AIG1: variants seen among roughly 807,000 people sequenced by gnomAD.
AIG1 encodes androgen induced 1, also known as androgen-induced gene 1 protein.
In AIG1, 23 loss-of-function variants were observed where a neutral mutation model predicts 31.4. That is an observed-to-expected ratio of 0.73 (90% CI 0.53 to 1.04). AIG1 has a LOEUF of 1.04. Ranked by LOEUF, AIG1 falls within the 50% of genes least tolerant of loss-of-function variation. AIG1 has a pLI of 0.00. For synonymous variants in AIG1, 100 were observed against 110.5 expected, an observed-to-expected ratio of 0.90 and a Z score of 0.60; for missense variants, 274 against 295.0, an observed-to-expected ratio of 0.93 and a Z score of 0.52.
intron 4 of AIG1, among the ~76,000 whole-genome samples, chr6:143,286,753 G>C (rs889970322): frequency 6.6e-6 from 1 of 152,178 alleles, no homozygotes; most frequent in Non-Finnish European, 1.5e-5. Flanking sequence ...GCAATACTGA[G>C]TAAGGTTGAG....
At chr6:143,343,203 G>C, downstream of AIG1, 1 of 701,154 alleles carries the variant, frequency 1.4e-6, no homozygotes, top group Middle Eastern at 3.2e-4. Flanking sequence ...CACGGATATG[G>C]CAGGAATGAT....
intron 3 of AIG1, among the ~76,000 whole-genome samples, chr6:143,222,495 C>T (rs1792607154): frequency 6.6e-6 from 1 of 152,108 alleles, no homozygotes; most frequent in Admixed American, 6.5e-5. Flanking sequence ...AGTCCAGAGC[C>T]TGTGAATTTC....
At position 143,297,831 on chromosome 6, in the gene AIG1, T is replaced by A. The variant is rs952663282; in HGVS notation, c.515+13606T>A. Among the ~76,000 whole-genome samples, 2 of 152,206 alleles carry A rather than the reference T, an allele frequency of 1.3e-5. No homozygotes were observed. Among genetic ancestry groups the A allele is most frequent in the African/African-American group, 2.4e-5 (1 of 41,462 alleles). On this transcript the variant is annotated intron_variant, in intron 4 of 5. Coordinates refer to ENST00000357847, the MANE Select transcript of AIG1 (RefSeq NM_016108.4). This position sits in a 1 kb window ranked among gnomAD's most constrained non-coding sequence, Gnocchi z 5.1. The stretch of plus-strand genomic sequence containing the variant: ...TCTTCAATAGTTTATTTTTTCCAGT[T>A]TGGGTATTTTTTTTTCTTTCTGGTA...
intron 3 of AIG1, among the ~76,000 whole-genome samples, chr6:143,254,590 C>A (rs1204842797): frequency 1.3e-5 from 2 of 152,096 alleles, no homozygotes; most frequent in African/African-American, 4.8e-5. Context: ...TGAGTTGATT[C>A]TGTTCCCCCC....
chr6:143,061,174 G>C lies in AIG1; in HGVS notation c.141+108G>C, dbSNP rs781719507. On this transcript the variant is annotated intron_variant, in intron 1 of 5. Coordinates refer to ENST00000357847, the MANE Select transcript of AIG1 (RefSeq NM_016108.4). ...GATGCGCGAGCACCTGCGCACGTGC[G>C]CGCCTCCAGCATCCACCCGTGTCCT... 2.2e-5 allele frequency: 30 copies of C among 1,375,412 alleles called. No homozygotes were observed. The East Asian group carries it at 6.9e-4, about 31-fold the overall frequency. The allele number at this position is 1,375,412 out of a possible 1,614,324, so 85.2% of individuals were successfully genotyped here.
In AIG1 at chr6:143,329,094, T is replaced by G. The variant is rs773882051; in HGVS notation, c.516-4188T>G. ...AGACAAGTGGATGCATCATTCACACTGATCCAGGTGAAACCCCAAATAACA... is the reference window on the plus strand; with the variant it reads ...AGACAAGTGGATGCATCATTCACACGGATCCAGGTGAAACCCCAAATAACA... On this transcript the variant is annotated intron_variant, in intron 4 of 5. Coordinates refer to ENST00000357847, the MANE Select transcript of AIG1 (RefSeq NM_016108.4). This position sits in a 1 kb window ranked among gnomAD's most constrained non-coding sequence, Gnocchi z 4.9. Among the ~76,000 whole-genome samples the G allele has an allele frequency of 6.6e-6, 1 of 152,246 alleles. No homozygotes were observed. The highest frequency in any genetic ancestry group is 1.5e-5 in the Non-Finnish European group (1 of 68,042).
intron 1 of AIG1, among the ~76,000 whole-genome samples, chr6:143,076,093 G>A (rs1777704929): frequency 6.6e-6 from 1 of 152,130 alleles, no homozygotes; most frequent in Admixed American, 6.6e-5. Flanking sequence ...GTTTGTTGAT[G>A]GTGTTATTCA....
In AIG1 at chr6:143,329,911, T is replaced by C. The variant is rs910695654; in HGVS notation, c.516-3371T>C. Among the ~76,000 whole-genome samples, 7 of 152,168 alleles carry C rather than the reference T, an allele frequency of 4.6e-5. No homozygotes were observed. Among genetic ancestry groups the C allele is most frequent in the African/African-American group, 1.7e-4 (7 of 41,448 alleles). ...TTGAGTAGGTGTGATCGAGACCATA[T>C]GGGAATATTTACTATCTGGTTCTTT... On this transcript the variant is annotated intron_variant, in intron 4 of 5. Transcript: ENST00000357847. The surrounding 1 kb of genome is among the most constrained non-coding windows in gnomAD (Gnocchi z 4.9).
chr6:143,103,759 G>A (rs550319839), intron 1 of AIG1, among the ~76,000 whole-genome samples: 6 of 151,864 alleles, frequency 4.0e-5, no homozygotes, highest in African/African-American at 7.3e-5. Context: ...CGCCCGCCTC[G>A]GCCTCCCAAA....
intron 1 of AIG1, among the ~76,000 whole-genome samples, chr6:143,112,115 A>G (rs1781326696): frequency 1.3e-5 from 2 of 152,036 alleles, no homozygotes; most frequent in African/African-American, 4.8e-5. Context: ...GCCATAAGGG[A>G]GCTCCTTCTG....
intron 3 of AIG1, among the ~76,000 whole-genome samples, chr6:143,262,448 A>AT (rs775511046): frequency 5.9e-4 from 90 of 152,242 alleles, no homozygotes; most frequent in Admixed American, 1.2e-3. Flanking sequence ...GTATTATTTC[A>AT]TTTTTTCAAG....
At chr6:143,134,692 A>G (rs1298565313) in intron 1 of AIG1, among the ~76,000 whole-genome samples, 1 of 151,996 alleles carries the variant, frequency 6.6e-6, no homozygotes, top group Non-Finnish European at 1.5e-5. Flanking sequence ...TTTTTGACTT[A>G]TTATATTTCG....
chr6:143,092,336 C>A (rs933582812), intron 1 of AIG1, among the ~76,000 whole-genome samples: 1 of 132,342 alleles, frequency 7.6e-6, no homozygotes, highest in Non-Finnish European at 1.5e-5. Flanking sequence ...CCAGACTGAT[C>A]TCAAACTCCT....
chr6:143,118,018 C>T (rs1215022483), intron 1 of AIG1, among the ~76,000 whole-genome samples: 1 of 152,180 alleles, frequency 6.6e-6, no homozygotes, highest in Non-Finnish European at 1.5e-5. Flanking sequence ...GTGCAGGATG[C>T]TTCACAATAG....
At chr6:143,198,688 G>A (rs1189312031) in intron 3 of AIG1, among the ~76,000 whole-genome samples, 2 of 152,146 alleles carry the variant, frequency 1.3e-5, no homozygotes, top group African/African-American at 4.8e-5. Context: ...GTGGCAGATG[G>A]CCTACCACAC....
chr6:143,137,409 T>C (rs1000229778), intron 2 of AIG1, among the ~76,000 whole-genome samples: 2 of 152,182 alleles, frequency 1.3e-5, no homozygotes, highest in African/African-American at 4.8e-5. Flanking sequence ...TACAGTCACA[T>C]TGTGAGATTC....
At chr6:143,339,595 G>A in intron 5 of AIG1, 44 bp from the exon 6 acceptor site, 1 of 1,602,426 alleles carries the variant, frequency 6.2e-7, no homozygotes, top group Non-Finnish European at 8.5e-7. Context: ...ACTGCTTGTG[G>A]TTTAATCTGA....
Position 143,291,216 on chromosome 6 carries a change from A to G in AIG1, c.515+6991A>G, listed in dbSNP as rs1798040491. ...AAGCCGCCTGTGATCCCATCATTGT[A>G]CATGTCAAAGTTTCTTGTAGATCTG... On this transcript the variant is annotated intron_variant, in intron 4 of 5. Transcript: ENST00000357847. This position sits in a 1 kb window ranked among gnomAD's most constrained non-coding sequence, Gnocchi z 4.2. 6.6e-6 allele frequency among the ~76,000 whole-genome samples: 1 copy of G among 152,174 alleles called. No individual in the cohort carries two copies. Among genetic ancestry groups the G allele is most frequent in the Non-Finnish European group, 1.5e-5 (1 of 68,028 alleles).
At chr6:143,272,935 C>A (rs1455490977) in intron 3 of AIG1, among the ~76,000 whole-genome samples, 1 of 152,150 alleles carries the variant, frequency 6.6e-6, no homozygotes, top group African/African-American at 2.4e-5. Context: ...TCAAGACCAG[C>A]CTGGCCAACA....
Sources: gnomAD v4.1 joint callset for allele counts (sites outside exome capture counted in the v4.1 genomes callset) on GRCh38, gnomAD v4.1.1 for gene constraint, Gnocchi (gnomAD v3.1) non-coding constraint, MANE v1.5 for transcripts, NCBI Gene and HGNC (gene_info 2026-07-23, HGNC 2026-07-21) for gene names.